Variants in HPSE2 observed in about 807,000 individuals in gnomAD.
The protein encoded by HPSE2 is heparanase 2 (inactive), also known as inactive heparanase-2.
Under a neutral mutation model 60.5 loss-of-function variants are expected in HPSE2, and 38 were observed. That is an observed-to-expected ratio of 0.63 (90% CI 0.48 to 0.82). HPSE2 has a LOEUF of 0.82. HPSE2 is among the 40% of genes least tolerant of loss of function. The pLI, the probability that HPSE2 is intolerant of heterozygous loss-of-function variation, is 0.00. For synonymous variants in HPSE2, 295 were observed against 293.2 expected (o/e 1.01, Z -0.06); for missense variants, 713 against 740.4 (o/e 0.96, Z 0.43).
At chr10:98,871,382 C>T (rs1027267765) in intron 3 of HPSE2, among the ~76,000 whole-genome samples, 2 of 151,760 alleles carry the variant, frequency 1.3e-5, no homozygotes, top group African/African-American at 4.8e-5. Context: ...GAACCAGATG[C>T]TTTTCTTTCA....
chr10:99,234,830 C>T (rs1849784440), intron 1 of HPSE2, among the ~76,000 whole-genome samples: 1 of 151,374 alleles, frequency 6.6e-6, no homozygotes, highest in Non-Finnish European at 1.5e-5. Context: ...GTGCAGTTAC[C>T]GCAGGAGATT....
At chr10:98,652,304 G>A (rs1349153102) in intron 6 of HPSE2, among the ~76,000 whole-genome samples, 1 of 152,142 alleles carries the variant, frequency 6.6e-6, no homozygotes, top group East Asian at 1.9e-4. Flanking sequence ...CCAACATAGT[G>A]CATTGGGGAT....
intron 2 of HPSE2, among the ~76,000 whole-genome samples, chr10:99,175,009 G>C (rs575051385): frequency 3.5e-4 from 54 of 152,254 alleles, no homozygotes; most frequent in African/African-American, 1.3e-3. Context: ...AAACCGCAAG[G>C]GGGTGGTGAA....
At chr10:98,581,342 A>C (rs1451596726) in intron 9 of HPSE2, among the ~76,000 whole-genome samples, 1 of 152,168 alleles carries the variant, frequency 6.6e-6, no homozygotes, top group Non-Finnish European at 1.5e-5. Flanking sequence ...TAATGATCAA[A>C]ACCAATTTTT....
rs569764703 is a variant in HPSE2, at chr10:98,963,305, C to T, written c.610+180933G>A. Among the ~76,000 whole-genome samples, 16 of 152,164 alleles carry T rather than the reference C, an allele frequency of 1.1e-4. 1 individual carries two copies. The highest frequency in any genetic ancestry group is 1.0e-3 in the South Asian group (5 of 4,824). ...AATACAAAAAGCAAAGGCCAAAAAG[C>T]GTAAAGTATAAAAATTAATAAACTC... is the stretch of plus-strand genomic sequence containing the variant. On this transcript the variant is annotated intron_variant, in intron 3 of 11. Coordinates refer to ENST00000370552, the MANE Select transcript of HPSE2 (RefSeq NM_021828.5).
chr10:98,533,571 A>AT (rs1943193605), intron 9 of HPSE2, among the ~76,000 whole-genome samples: 1 of 152,114 alleles, frequency 6.6e-6, no homozygotes, highest in Non-Finnish European at 1.5e-5. Context: ...TTAGGGTCTG[A>AT]TTTTTTTCAG....
chr10:98,804,634 A>T (rs1950998934), intron 3 of HPSE2, among the ~76,000 whole-genome samples: 1 of 152,064 alleles, frequency 6.6e-6, no homozygotes, highest in Non-Finnish European at 1.5e-5. Context: ...GCAATAACAA[A>T]TGCTGGAGAG....
intron 3 of HPSE2, among the ~76,000 whole-genome samples, chr10:99,050,641 G>T (rs1012455237): frequency 2.0e-5 from 3 of 152,038 alleles, no homozygotes; most frequent in African/African-American, 7.2e-5. Context: ...TGGACACCAA[G>T]AAAATGTGGT....
At chr10:99,088,893 A>G (rs1012635499) in intron 3 of HPSE2, among the ~76,000 whole-genome samples, 1 of 152,132 alleles carries the variant, frequency 6.6e-6, no homozygotes, top group Non-Finnish European at 1.5e-5. Context: ...CCATTCTTGC[A>G]GGAGTAAGAT....
chr10:98,457,282 C>T lies in HPSE2; in HGVS notation c.*2292G>A, dbSNP rs1195304610. On this transcript the variant is annotated 3_prime_UTR_variant, in exon 12 of 12. Transcript: ENST00000370552. Reference sequence around the variant, plus strand: ...GGCTGTTCTGAATGAGCAGAACCTACAAAGATGTGAAGGAGGTGTCTGGAC... The same window carrying T: ...GGCTGTTCTGAATGAGCAGAACCTATAAAGATGTGAAGGAGGTGTCTGGAC... The T allele has an allele frequency of 1.3e-5, 2 of 152,212 alleles. No homozygotes were observed. The highest frequency in any genetic ancestry group is 4.8e-5 in the African/African-American group (2 of 41,454). 9.4% of individuals were successfully genotyped at this position (152,212 alleles called of 1,614,324 possible). A position where few individuals can be genotyped will look rare whatever the true frequency, so the allele number is the denominator to read the frequency against.
intron 3 of HPSE2, among the ~76,000 whole-genome samples, chr10:98,949,544 T>C (rs1955293134): frequency 6.6e-6 from 1 of 152,202 alleles, no homozygotes. Context: ...ACAGATGGAA[T>C]CAGGCAATTC....
intron 6 of HPSE2, among the ~76,000 whole-genome samples, chr10:98,651,964 T>A (rs1946928746): frequency 6.6e-6 from 1 of 152,014 alleles, no homozygotes; most frequent in Admixed American, 6.6e-5. Flanking sequence ...TAGAGACAGG[T>A]TTCACCATGT....
intron 8 of HPSE2, among the ~76,000 whole-genome samples, chr10:98,619,966 C>T (rs1407018943): frequency 6.6e-6 from 1 of 152,178 alleles, no homozygotes; most frequent in African/African-American, 2.4e-5. Context: ...AGCTGTGCCA[C>T]TAACTAAATG....
chr10:98,894,452 CA>C (rs1406041370), intron 3 of HPSE2, among the ~76,000 whole-genome samples: 1 of 151,756 alleles, frequency 6.6e-6, no homozygotes, highest in Admixed American at 6.6e-5. Context: ...AAAATGTTAC[CA>C]TTTAAAGTTC....
intron 3 of HPSE2, among the ~76,000 whole-genome samples, chr10:98,877,708 C>T (rs1423461854): frequency 6.6e-6 from 1 of 151,818 alleles, no homozygotes; most frequent in East Asian, 1.9e-4. Context: ...ATTAAATGTG[C>T]AGTTTTCTCA....
At chr10:98,572,283 C>G (rs1944519908) in intron 9 of HPSE2, among the ~76,000 whole-genome samples, 1 of 152,098 alleles carries the variant, frequency 6.6e-6, no homozygotes, top group Admixed American at 6.6e-5. Context: ...CAAAACAAAA[C>G]TTCTTTCTAA....
In HPSE2 at chr10:98,877,645, T is replaced by C. The variant is rs1190808481; in HGVS notation, c.611-133589A>G. ...ACTAAGGAATGTGACAAATAATAAG[T>C]AGGATATAATCATTATGAAGAATAA... On this transcript the variant is annotated intron_variant, in intron 3 of 11. Coordinates refer to ENST00000370552, the MANE Select transcript of HPSE2 (RefSeq NM_021828.5). 4.6e-5 allele frequency among the ~76,000 whole-genome samples: 7 copies of C among 151,826 alleles called. No individual in the cohort carries two copies. In the Admixed American group the frequency reaches 4.6e-4, roughly 10 times the overall value.
intron 3 of HPSE2, among the ~76,000 whole-genome samples, chr10:99,094,412 T>A (rs1843627410): frequency 6.7e-6 from 1 of 149,916 alleles, no homozygotes; most frequent in Non-Finnish European, 1.5e-5. Flanking sequence ...TATACATTTC[T>A]ATATCCAATT....
chr10:98,974,449 G>A (rs1283321107), intron 3 of HPSE2, among the ~76,000 whole-genome samples: 1 of 152,054 alleles, frequency 6.6e-6, no homozygotes, highest in African/African-American at 2.4e-5. Flanking sequence ...TGTATTTTTA[G>A]TAGAGATGGG....
Sources: allele counts gnomAD v4.1 joint callset (sites outside exome capture counted in the v4.1 genomes callset), GRCh38; gene constraint gnomAD v4.1.1; transcripts MANE v1.5; gene names NCBI Gene and HGNC (gene_info 2026-07-23, HGNC 2026-07-21).